SMYD1: variants seen among roughly 807,000 people sequenced by gnomAD.
The protein encoded by SMYD1 is SET and MYND domain containing 1, also known as histone-lysine N-methyltransferase SMYD1.
In SMYD1, 49 loss-of-function variants were observed where a neutral mutation model predicts 54.0. The ratio of observed to expected loss-of-function variants is 0.91; its 90% CI spans 0.72 to 1.15. The LOEUF is 1.15. SMYD1 is among the 50% of genes most tolerant of loss of function. The pLI is 0.00. For missense variants in SMYD1, 653 were observed against 639.6 expected (o/e 1.02, Z -0.23); for synonymous variants, 269 against 234.2 (o/e 1.15, Z -1.36).
chr2:88,112,073 T>C lies in SMYD1; in HGVS notation c.*1561T>C. On this transcript the variant is annotated 3_prime_UTR_variant, in exon 10 of 10. Transcript: ENST00000419482. Reference sequence around the variant, plus strand: ...AAAATACTTGTATCTGACACTTAGGTCTTGTTTGAAGAATTTCCTTTCTGG... The same window carrying C: ...AAAATACTTGTATCTGACACTTAGGCCTTGTTTGAAGAATTTCCTTTCTGG... 1.4e-6 allele frequency: 1 copy of C among 703,180 alleles called. No individual in the cohort carries two copies. Among genetic ancestry groups the C allele is most frequent in the Non-Finnish European group, 2.6e-6 (1 of 385,052 alleles). The allele number at this position is 703,180 out of a possible 1,614,324, so 43.6% of individuals were successfully genotyped here. A position where few individuals can be genotyped will look rare whatever the true frequency, so the allele number is the denominator to read the frequency against.
At chr2:88,100,230 CAT>C (rs1448104846) in intron 6 of SMYD1, among the ~76,000 whole-genome samples, 1 of 152,182 alleles carries the variant, frequency 6.6e-6, no homozygotes, top group East Asian at 1.9e-4. Context: ...AGATTTATCA[CAT>C]GTTGCACTTA....
At chr2:88,110,203 GT>G in intron 9 of SMYD1, 150 bp from the exon 10 acceptor site, 1 of 671,878 alleles carries the variant, frequency 1.5e-6, no homozygotes. Flanking sequence ...ATGAATGAGT[GT>G]GTGTGTGTGT....
At chr2:88,083,541 G>C (rs1457662059) in intron 1 of SMYD1, among the ~76,000 whole-genome samples, 1 of 152,150 alleles carries the variant, frequency 6.6e-6, no homozygotes, top group Non-Finnish European at 1.5e-5. Context: ...GTCAATGACA[G>C]TGAAATCAGT....
At chr2:88,108,919 T>A (rs1674948282) in intron 9 of SMYD1, among the ~76,000 whole-genome samples, 1 of 152,098 alleles carries the variant, frequency 6.6e-6, no homozygotes, top group South Asian at 2.1e-4. Context: ...GTGCCAGGCT[T>A]TTTTCAACAA....
At chr2:88,095,739 G>C (rs1674571969) in intron 5 of SMYD1, among the ~76,000 whole-genome samples, 1 of 152,228 alleles carries the variant, frequency 6.6e-6, no homozygotes, top group African/African-American at 2.4e-5. Flanking sequence ...GTTTTCTGTA[G>C]CTGTCTGGCC....
chr2:88,094,514 C>T (rs543612503), intron 5 of SMYD1, among the ~76,000 whole-genome samples: 119 of 152,332 alleles, frequency 7.8e-4, no homozygotes, highest in South Asian at 2.9e-3. Flanking sequence ...GGCTAAAACC[C>T]TCATCTCCTG....
intron 3 of SMYD1, among the ~76,000 whole-genome samples, chr2:88,090,171 G>A (rs1444872275): frequency 1.3e-5 from 2 of 152,208 alleles, no homozygotes; most frequent in Admixed American, 6.5e-5. Flanking sequence ...TGTCTGATGA[G>A]AATAAATGGA....
chr2:88,098,616 A>G (rs541032161), intron 6 of SMYD1, among the ~76,000 whole-genome samples: 46 of 152,356 alleles, frequency 3.0e-4, no homozygotes, highest in African/African-American at 1.1e-3. Flanking sequence ...CAGGCATTAA[A>G]AAAAGGCCAT....
At chr2:88,098,455 C>G (rs936194291) in intron 6 of SMYD1, among the ~76,000 whole-genome samples, 5 of 152,098 alleles carry the variant, frequency 3.3e-5, no homozygotes, top group African/African-American at 1.2e-4. Context: ...TTGATGATTT[C>G]TGCTTGAACC....
chr2:88,082,459 A>C (rs1558849203), intron 1 of SMYD1: 1 of 152,790 alleles, frequency 6.5e-6, no homozygotes, highest in Non-Finnish European at 1.5e-5. Context: ...ATAGAGCAGT[A>C]GCCCCTGCGG....
intron 6 of SMYD1, among the ~76,000 whole-genome samples, chr2:88,098,293 G>A (rs986548799): frequency 2.0e-5 from 3 of 152,048 alleles, no homozygotes; most frequent in African/African-American, 4.8e-5. Flanking sequence ...TAGATTTTTT[G>A]ATGTTTACCT....
intron 1 of SMYD1, among the ~76,000 whole-genome samples, chr2:88,082,047 T>G (rs1573105726): frequency 6.6e-6 from 1 of 152,204 alleles, no homozygotes; most frequent in Admixed American, 6.5e-5. Context: ...TCTCCAGGGG[T>G]TTAGAGAGTT....
chr2:88,104,658 C>T (rs1046072942), intron 7 of SMYD1, among the ~76,000 whole-genome samples: 12 of 152,202 alleles, frequency 7.9e-5, no homozygotes, highest in African/African-American at 2.9e-4. Context: ...TCGGGGTGGC[C>T]CCCACCACCT....
intron 8 of SMYD1, among the ~76,000 whole-genome samples, chr2:88,107,278 C>T (rs1362500331): frequency 1.3e-5 from 2 of 152,132 alleles, no homozygotes; most frequent in Non-Finnish European, 2.9e-5. Context: ...TTTATGTTGT[C>T]ATGCAAATTT....
intron 1 of SMYD1, among the ~76,000 whole-genome samples, chr2:88,081,212 T>C (rs1160246993): frequency 6.6e-6 from 1 of 152,020 alleles, no homozygotes; most frequent in Non-Finnish European, 1.5e-5. Flanking sequence ...CTGGATATGT[T>C]CATTATCTTG....
chr2:88,084,514 G>A (rs773888702), intron 2 of SMYD1, 22 bp downstream of exon 2: 1 of 1,553,114 alleles, frequency 6.4e-7, no homozygotes, highest in Non-Finnish European at 8.8e-7. Context: ...GCACCCTGGT[G>A]GTGCTTCAGA....
intron 2 of SMYD1, among the ~76,000 whole-genome samples, chr2:88,086,221 T>C (rs1037205525): frequency 6.6e-6 from 1 of 152,206 alleles, no homozygotes; most frequent in African/African-American, 2.4e-5. Flanking sequence ...GGGATCTCTT[T>C]GTATTGTTTT....
Position 88,111,704 on chromosome 2 carries a change from T to G in SMYD1, c.*1192T>G, listed in dbSNP as rs1204017867. ...TTATCCCGATCTCCTGGAAGGCTGT[T>G]GTGATTTCCATCTAAGAAATGAGGG... On this transcript the variant is annotated 3_prime_UTR_variant, in exon 10 of 10. Coordinates refer to ENST00000419482, the MANE Select transcript of SMYD1 (RefSeq NM_198274.4). 3 of 201,524 alleles carry G rather than the reference T, an allele frequency of 1.5e-5. No homozygotes were observed. In the East Asian group the frequency reaches 3.4e-4, roughly 23 times the overall value. The allele number at this position is 201,524 out of a possible 1,614,324, so 12.5% of individuals were successfully genotyped here. A position where few individuals can be genotyped will look rare whatever the true frequency, so the allele number is the denominator to read the frequency against.
intron 1 of SMYD1, among the ~76,000 whole-genome samples, chr2:88,080,502 G>A (rs1002412872): frequency 6.6e-6 from 1 of 152,120 alleles, no homozygotes; most frequent in Non-Finnish European, 1.5e-5. Flanking sequence ...CTCTCTGATG[G>A]GCGACCTTGG....
Sources: allele counts gnomAD v4.1 joint callset (sites outside exome capture counted in the v4.1 genomes callset), GRCh38; gene constraint gnomAD v4.1.1; transcripts MANE v1.5; gene names NCBI Gene and HGNC (gene_info 2026-07-23, HGNC 2026-07-21).